Variants in CATSPERE observed in about 807,000 individuals in gnomAD.
CATSPERE encodes the protein cation channel sperm-associated auxiliary subunit epsilon.
A neutral mutation model predicts 114.1 loss-of-function variants in CATSPERE; 93 were observed. That is an observed-to-expected ratio of 0.81 (90% confidence interval 0.69 to 0.97). CATSPERE has a LOEUF of 0.97. Among genes scored for constraint, CATSPERE ranks in the 50% least tolerant of loss-of-function variants. The pLI, the probability that CATSPERE is intolerant of heterozygous loss-of-function variation, is 0.00. For synonymous variants in CATSPERE, 341 were observed against 384.1 expected (o/e 0.89, Z 1.31); for missense variants, 1,058 against 1,131.6 (o/e 0.93, Z 0.93).
intron 8 of CATSPERE, among the ~76,000 whole-genome samples, chr1:244,522,544 G>A (rs1217998553): frequency 6.6e-6 from 1 of 152,102 alleles, no homozygotes; most frequent in African/African-American, 2.4e-5. Context: ...ACGAATACAG[G>A]AGTTGGTTTT....
At chr1:244,612,404 A>T (rs1426169382) in intron 19 of CATSPERE, among the ~76,000 whole-genome samples, 3 of 111,544 alleles carry the variant, frequency 2.7e-5, no homozygotes, top group South Asian at 3.9e-4. Context: ...CCTACATTTT[A>T]AAAAAATCAG....
At chr1:244,606,657 A>C (rs374848607) in intron 18 of CATSPERE, among the ~76,000 whole-genome samples, 9 of 144,038 alleles carry the variant, frequency 6.2e-5, no homozygotes, top group Admixed American at 1.4e-4. Context: ...GCTGGAGTGC[A>C]GTGGTGCAGT....
rs1411193824 is a variant in CATSPERE, at chr1:244,551,839, C to T, written c.537-483C>T. On this transcript the variant is annotated intron_variant, in intron 8 of 21. Coordinates refer to ENST00000366534, the MANE Select transcript of CATSPERE (RefSeq NM_001130957.2). ...CAGCACTTTGGGAGGCCGAGGCGGG[C>T]GGATCACGAGGTCAGGAGATTGAGA... is the stretch of plus-strand genomic sequence containing the variant. 5.9e-5 allele frequency among the ~76,000 whole-genome samples: 9 copies of T among 151,888 alleles called. No homozygotes were observed. The South Asian group carries it at 8.3e-4, about 14-fold the overall frequency.
At chr1:244,453,803 G>A (rs529507162), upstream of CATSPERE, among the ~76,000 whole-genome samples, 7 of 152,076 alleles carry the variant, frequency 4.6e-5, no homozygotes, top group African/African-American at 1.2e-4. Flanking sequence ...TGCTGCCAAC[G>A]CCTCCTTTCT....
chr1:244,459,276 AC>A (rs1461813147), upstream of CATSPERE, among the ~76,000 whole-genome samples: 1 of 151,862 alleles, frequency 6.6e-6, no homozygotes, highest in African/African-American at 2.4e-5. Context: ...ATGGGGTTTC[AC>A]CTTGTTGGCC....
intron 8 of CATSPERE, among the ~76,000 whole-genome samples, chr1:244,530,140 G>A (rs1374749437): frequency 6.6e-6 from 1 of 152,096 alleles, no homozygotes; most frequent in African/African-American, 2.4e-5. Flanking sequence ...GTAGAGATGG[G>A]GTTTCCCCAT....
chr1:244,539,232 G>A (rs532052149), intron 8 of CATSPERE, among the ~76,000 whole-genome samples: 127 of 150,950 alleles, frequency 8.4e-4, no homozygotes, highest in African/African-American at 2.5e-3. Flanking sequence ...TGAGATAATC[G>A]TGTGGTTTTT....
At position 244,573,959 on chromosome 1, in the gene CATSPERE, T is replaced by C. The variant is rs574959033; in HGVS notation, c.1950+1187T>C. Among the ~76,000 whole-genome samples the C allele has an allele frequency of 6.6e-6, 1 of 152,306 alleles. No homozygotes were observed. Among genetic ancestry groups the C allele is most frequent in the South Asian group, 2.1e-4 (1 of 4,820 alleles). ...AAAAATTTTCTTAGCAAGGCAGTTT[T>C]AGTTTCTGCAGAAAGGGTGCTCCTC... On this transcript the variant is annotated intron_variant, in intron 11 of 21. Coordinates refer to ENST00000366534, the MANE Select transcript of CATSPERE (RefSeq NM_001130957.2). This position sits in a 1 kb window ranked among gnomAD's most constrained non-coding sequence, Gnocchi z 4.0.
intron 10 of CATSPERE, among the ~76,000 whole-genome samples, chr1:244,564,914 C>A (rs1353703581): frequency 6.6e-6 from 1 of 151,906 alleles, no homozygotes; most frequent in Non-Finnish European, 1.5e-5. Context: ...TATTTTGAGA[C>A]ACATTGCATC....
intron 8 of CATSPERE, 30 bp downstream of exon 8, chr1:244,518,728 GA>G: frequency 8.6e-7 from 1 of 1,167,956 alleles, no homozygotes; most frequent in Non-Finnish European, 1.2e-6. Context: ...TTTAAATATA[GA>G]AATATGAAAA....
chr1:244,611,985 G>A (rs1670797042), intron 19 of CATSPERE, among the ~76,000 whole-genome samples: 1 of 152,140 alleles, frequency 6.6e-6, no homozygotes, highest in South Asian at 2.1e-4. Flanking sequence ...TCTTGGTTGG[G>A]GCCCAAAAAT....
chr1:244,465,181 G>A (rs1390349997), intron 2 of CATSPERE, among the ~76,000 whole-genome samples: 1 of 151,886 alleles, frequency 6.6e-6, no homozygotes, highest in Non-Finnish European at 1.5e-5. Context: ...GACTACAGGT[G>A]CACACTACCA....
intron 8 of CATSPERE, among the ~76,000 whole-genome samples, chr1:244,526,123 T>A (rs1350349678): frequency 6.6e-6 from 1 of 152,146 alleles, no homozygotes; most frequent in African/African-American, 2.4e-5. Context: ...TGCTATCCTT[T>A]TGTCAGGAAA....
At chr1:244,474,461 T>C (rs1477064462) in intron 2 of CATSPERE, among the ~76,000 whole-genome samples, 1 of 152,080 alleles carries the variant, frequency 6.6e-6, no homozygotes, top group Non-Finnish European at 1.5e-5. Context: ...TTCAATTTCA[T>C]GTATTATTCT....
At chr1:244,459,219 C>T (rs1327780026), upstream of CATSPERE, among the ~76,000 whole-genome samples, 2 of 151,960 alleles carry the variant, frequency 1.3e-5, no homozygotes, top group Non-Finnish European at 2.9e-5. Flanking sequence ...GCTGGGATTA[C>T]AGGCATGCAT....
At chr1:244,488,744 G>T (rs527370998) in intron 5 of CATSPERE, among the ~76,000 whole-genome samples, 1 of 152,278 alleles carries the variant, frequency 6.6e-6, no homozygotes, top group East Asian at 1.9e-4. Context: ...ATAACACAAG[G>T]CAGAAGGTAT....
At chr1:244,526,293 C>T (rs1678582351) in intron 8 of CATSPERE, among the ~76,000 whole-genome samples, 1 of 151,984 alleles carries the variant, frequency 6.6e-6, no homozygotes, top group African/African-American at 2.4e-5. Flanking sequence ...CCTGTAGTCT[C>T]AGCTACTGGG....
At chr1:244,497,626 A>G in intron 6 of CATSPERE, among the ~76,000 whole-genome samples, 1 of 152,108 alleles carries the variant, frequency 6.6e-6, no homozygotes, top group East Asian at 1.9e-4. Context: ...GCGAAACCCC[A>G]TCTCTACTAA....
intron 10 of CATSPERE, among the ~76,000 whole-genome samples, chr1:244,563,478 G>A (rs1662910258): frequency 6.6e-6 from 1 of 152,160 alleles, no homozygotes; most frequent in Non-Finnish European, 1.5e-5. Context: ...GAGACGGTAT[G>A]TCATTGTGGT....
Sources: gnomAD v4.1 joint callset for allele counts (sites outside exome capture counted in the v4.1 genomes callset) on GRCh38, gnomAD v4.1.1 for gene constraint, Gnocchi (gnomAD v3.1) non-coding constraint, MANE v1.5 for transcripts, NCBI Gene and HGNC (gene_info 2026-07-23, HGNC 2026-07-21) for gene names.